The following DOCK5 variants were observed in gnomAD, a reference collection of about 807,000 sequenced individuals.
DOCK5 encodes the protein dedicator of cytokinesis protein 5.
A neutral mutation model predicts 251.8 loss-of-function variants in DOCK5; 142 were observed. The ratio of observed to expected loss-of-function variants is 0.56; its 90% confidence interval spans 0.49 to 0.65. DOCK5 has a LOEUF of 0.65. DOCK5 is among the 30% of genes least tolerant of loss of function. DOCK5 has a pLI of 0.00. For synonymous variants in DOCK5, 842 were observed against 835.5 expected (o/e 1.01, Z -0.13); for missense variants, 2,111 against 2,312.3 (o/e 0.91, Z 1.79).
intron 9 of DOCK5, among the ~76,000 whole-genome samples, chr8:25,301,252 G>A (rs1804753411): frequency 6.6e-6 from 1 of 152,116 alleles, no homozygotes; most frequent in African/African-American, 2.4e-5. Flanking sequence ...CAGACAAGGG[G>A]GGGCTACTCT....
intron 24 of DOCK5, 28 bp from the exon 25 acceptor site, chr8:25,342,373 A>G (rs1371483111): frequency 6.5e-7 from 1 of 1,538,782 alleles, no homozygotes; most frequent in Admixed American, 1.9e-5. Context: ...GAACGAAGAC[A>G]CTACTAACCC....
At chr8:25,384,467 T>TTTATTTA (rs1272571268) in intron 40 of DOCK5, among the ~76,000 whole-genome samples, 57 of 87,552 alleles carry the variant, frequency 6.5e-4, no homozygotes, top group African/African-American at 2.1e-3. Flanking sequence ...TTATTTATTT[T>TTTATTTA]TTTTTTTTTT....
chr8:25,291,682 CAAAA>C (rs5890216), intron 5 of DOCK5, among the ~76,000 whole-genome samples: 1 of 118,318 alleles, frequency 8.5e-6, no homozygotes, highest in Non-Finnish European at 1.7e-5. Context: ...GACTCCGTCT[CAAAA>C]AAAAAAAAAA....
Position 25,411,331 on chromosome 8 carries a change from T to C in DOCK5, c.*33T>C. On this transcript the variant is annotated 3_prime_UTR_variant, in exon 52 of 52. Coordinates refer to ENST00000276440, the MANE Select transcript of DOCK5 (RefSeq NM_024940.8). ...GCCCTCCCTGCAACACCGAGTGCCTTAGACAGCTGCTGCCTGAGAACTGGC... is the reference window on the plus strand; with the variant it reads ...GCCCTCCCTGCAACACCGAGTGCCTCAGACAGCTGCTGCCTGAGAACTGGC... 1 of 1,416,440 alleles carries C rather than the reference T, an allele frequency of 7.1e-7. No individual in the cohort carries two copies. The highest frequency in any genetic ancestry group is 1.6e-5 in the South Asian group (1 of 63,736). 87.7% of individuals were successfully genotyped at this position (1,416,440 alleles called of 1,614,324 possible).
chr8:25,210,655 T>C (rs1354861807), intron 1 of DOCK5, among the ~76,000 whole-genome samples: 3 of 69,964 alleles, frequency 4.3e-5, no homozygotes, highest in African/African-American at 9.7e-5. Context: ...TCCCAGCTAC[T>C]TGGGAGGCTG....
At chr8:25,201,475 A>T (rs1801877105) in intron 1 of DOCK5, among the ~76,000 whole-genome samples, 1 of 152,214 alleles carries the variant, frequency 6.6e-6, no homozygotes. Context: ...GAAGATTGAG[A>T]TACAGATGTT....
At chr8:25,215,059 T>C (rs1802205997) in intron 1 of DOCK5, among the ~76,000 whole-genome samples, 1 of 152,196 alleles carries the variant, frequency 6.6e-6, no homozygotes, top group Non-Finnish European at 1.5e-5. Flanking sequence ...GACTAGGGGC[T>C]GTGGGAAAAC....
chr8:25,268,942 T>G, intron 3 of DOCK5, 57 bp downstream of exon 3: 9 of 1,425,550 alleles, frequency 6.3e-6, no homozygotes, highest in Non-Finnish European at 8.6e-6. Context: ...TAGTTTTGTA[T>G]TGTGCTATGT....
At chr8:25,386,458 G>A (rs571035196) in intron 40 of DOCK5, among the ~76,000 whole-genome samples, 31 of 152,148 alleles carry the variant, frequency 2.0e-4, no homozygotes, top group African/African-American at 6.5e-4. Context: ...AATTAGCCAG[G>A]CATGGTAGCA....
At chr8:25,241,419 A>G (rs1361939088) in intron 1 of DOCK5, among the ~76,000 whole-genome samples, 2 of 152,084 alleles carry the variant, frequency 1.3e-5, no homozygotes, top group Non-Finnish European at 2.9e-5. Flanking sequence ...TGGAGGTTGC[A>G]GTGAGCCAAG....
chr8:25,268,903 CT>C lies in DOCK5; in HGVS notation c.168+23del. On this transcript the variant is annotated intron_variant, in intron 3 of 51. Transcript: ENST00000276440. ...CTAAAAAGGTATGACTTATCATTCA[CT>C]TTTTAATTTCATTTGAAATCTGTCT... 1.9e-6 allele frequency: 3 copies of C among 1,543,546 alleles called. No homozygotes were observed. Among genetic ancestry groups the C allele is most frequent in the Non-Finnish European group, 2.6e-6 (3 of 1,142,458 alleles).
chr8:25,246,704 TTG>T (rs55963570), intron 2 of DOCK5, among the ~76,000 whole-genome samples: 28,529 of 88,840 alleles, frequency 0.32, 5,263 homozygotes, highest in East Asian at 0.44. Context: ...CCATGTTAGT[TTG>T]TGTGTGTGTG....
At chr8:25,189,986 A>G (rs1431575051) in intron 1 of DOCK5, among the ~76,000 whole-genome samples, 1 of 152,200 alleles carries the variant, frequency 6.6e-6, no homozygotes, top group African/African-American at 2.4e-5. Context: ...TCCTGGGTTC[A>G]AGCGATTCTC....
intron 3 of DOCK5, among the ~76,000 whole-genome samples, chr8:25,274,071 T>C (rs1803981893): frequency 1.3e-5 from 2 of 152,222 alleles, no homozygotes; most frequent in African/African-American, 4.8e-5. Context: ...TAATCTCAAA[T>C]GTTCTTGCTG....
At chr8:25,376,240 G>C (rs1003646030) in intron 37 of DOCK5, 1 of 985,246 alleles carries the variant, frequency 1.0e-6, no homozygotes. Flanking sequence ...GGAAACTCAG[G>C]AAGGTAAACT....
At chr8:25,268,239 G>A (rs368510130) in intron 2 of DOCK5, among the ~76,000 whole-genome samples, 1 of 151,980 alleles carries the variant, frequency 6.6e-6, no homozygotes, top group Admixed American at 6.6e-5. Flanking sequence ...TGGGGGTGGC[G>A]GGGGGATGTT....
intron 27 of DOCK5, among the ~76,000 whole-genome samples, chr8:25,355,833 A>C (rs1006493737): frequency 5.9e-5 from 9 of 152,174 alleles, no homozygotes; most frequent in African/African-American, 1.9e-4. Flanking sequence ...AAGAAATTCT[A>C]TTTAATTTAG....
chr8:25,407,360 C>T (rs551904302), intron 48 of DOCK5, among the ~76,000 whole-genome samples: 4 of 151,914 alleles, frequency 2.6e-5, no homozygotes, highest in Non-Finnish European at 5.9e-5. Context: ...GTGCTCTTAC[C>T]CACTACATAA....
chr8:25,364,252 C>A (rs538070516), intron 29 of DOCK5, among the ~76,000 whole-genome samples: 1 of 152,142 alleles, frequency 6.6e-6, no homozygotes, highest in Non-Finnish European at 1.5e-5. Context: ...TTAGAAGAAG[C>A]CTTCTCTGCT....
Sources: gnomAD v4.1 joint callset for allele counts (sites outside exome capture counted in the v4.1 genomes callset) on GRCh38, gnomAD v4.1.1 for gene constraint, MANE v1.5 for transcripts, NCBI Gene and HGNC (gene_info 2026-07-23, HGNC 2026-07-21) for gene names.